The following CCSER1 variants were observed in gnomAD, a reference collection of about 807,000 sequenced individuals.
CCSER1 encodes the protein serine-rich coiled-coil domain-containing protein 1.
CCSER1 carries 41 observed loss-of-function variants against 82.0 expected under a neutral mutation model. The observed-to-expected ratio is 0.50, with a 90% CI of 0.39 to 0.65. The LOEUF is 0.65. Ranked by LOEUF, CCSER1 falls within the 30% of genes least tolerant of loss-of-function variation. The pLI is 0.00. For missense variants in CCSER1, 1,119 were observed against 1,064.2 expected (o/e 1.05, Z -0.72); for synonymous variants, 414 against 383.9 (o/e 1.08, Z -0.92).
In CCSER1 at chr4:90,388,602, G is replaced by A. The variant is rs112715755; in HGVS notation, c.1510-11434G>A. 9.0e-3 allele frequency among the ~76,000 whole-genome samples: 1,266 copies of A among 140,306 alleles called. 18 individuals are homozygous for A. The highest frequency in any genetic ancestry group is 0.031 in the African/African-American group (1,149 of 37,498). The allele number at this position is 140,306 out of a possible 152,430, so 92.0% of individuals were successfully genotyped here. A position where few individuals can be genotyped will look rare whatever the true frequency, so the allele number is the denominator to read the frequency against. ...TGGAATTACAGGCGTGAGCCACCAC[G>A]CCCGGCCCATTTGATGTTTATTTTT... is the stretch of plus-strand genomic sequence containing the variant. On this transcript the variant is annotated intron_variant, in intron 3 of 10. Transcript: ENST00000509176.
intron 5 of CCSER1, among the ~76,000 whole-genome samples, chr4:90,516,959 T>C (rs1772369359): frequency 6.6e-6 from 1 of 152,164 alleles, no homozygotes; most frequent in Non-Finnish European, 1.5e-5. Flanking sequence ...TGGTAGTTTA[T>C]ATGGTGGCTT....
At chr4:91,119,933 G>A (rs187801832) in intron 10 of CCSER1, among the ~76,000 whole-genome samples, 2 of 151,904 alleles carry the variant, frequency 1.3e-5, no homozygotes, top group African/African-American at 2.4e-5. Context: ...TTGGAAAAGT[G>A]GAGGGTTTAC....
At chr4:90,803,672 A>ATG (rs373072562) in intron 7 of CCSER1, among the ~76,000 whole-genome samples, 2 of 152,080 alleles carry the variant, frequency 1.3e-5, no homozygotes, top group Admixed American at 6.5e-5. Context: ...CAATAAACAT[A>ATG]TGTGTGTGTG....
intron 10 of CCSER1, among the ~76,000 whole-genome samples, chr4:91,336,021 G>T (rs1214048111): frequency 6.6e-6 from 1 of 151,996 alleles, no homozygotes; most frequent in African/African-American, 2.4e-5. Context: ...ATTGTAAAGG[G>T]CAAATTCAGC....
intron 5 of CCSER1, among the ~76,000 whole-genome samples, chr4:90,494,331 C>T (rs1229128135): frequency 2.0e-5 from 3 of 152,086 alleles, no homozygotes; most frequent in African/African-American, 7.2e-5. Flanking sequence ...CTTTAACATC[C>T]CACTGTCAAC....
In CCSER1 at chr4:90,313,060, A is replaced by C. The variant is rs76551131; in HGVS notation, c.1509+13A>C. On this transcript the variant is annotated intron_variant, in intron 3 of 10. Coordinates refer to ENST00000509176, the MANE Select transcript of CCSER1 (RefSeq NM_001145065.2). ...AATGAACAGTTTGGTAAGTATATAC[A>C]TATGTCTGCCTCTAATAAAATAATG... 1.3e-6 allele frequency: 2 copies of C among 1,573,724 alleles called. No homozygotes were observed. The highest frequency in any genetic ancestry group is 1.7e-6 in the Non-Finnish European group (2 of 1,153,126).
At chr4:91,188,579 TA>T (rs1734757519) in intron 10 of CCSER1, among the ~76,000 whole-genome samples, 1 of 152,194 alleles carries the variant, frequency 6.6e-6, no homozygotes, top group South Asian at 2.1e-4. Flanking sequence ...TAGTGATAAA[TA>T]TTTTTTAATG....
chr4:91,097,839 T>C (rs1441568587), intron 10 of CCSER1, among the ~76,000 whole-genome samples: 2 of 152,200 alleles, frequency 1.3e-5, no homozygotes, highest in African/African-American at 4.8e-5. Flanking sequence ...ATAGATGATT[T>C]ATGAATGTAT....
chr4:91,224,783 C>T (rs1738018865), intron 10 of CCSER1, among the ~76,000 whole-genome samples: 1 of 151,844 alleles, frequency 6.6e-6, no homozygotes, highest in African/African-American at 2.4e-5. Context: ...TTCCAAATTC[C>T]TATCATTTCT....
In CCSER1 at chr4:90,395,735, T is replaced by C. The variant is rs1038498226; in HGVS notation, c.1510-4301T>C. On this transcript the variant is annotated intron_variant, in intron 3 of 10. Transcript: ENST00000509176. ...TGGGTGTCCTCTCACAAAATGATTT[T>C]CTTTTTAAATCCCATTTGCTTGTGT... Among the ~76,000 whole-genome samples the C allele has an allele frequency of 2.0e-5, 3 of 152,148 alleles. No homozygotes were observed. In the South Asian group the frequency reaches 6.2e-4, roughly 32 times the overall value.
intron 5 of CCSER1, among the ~76,000 whole-genome samples, chr4:90,500,001 A>T (rs998190414): frequency 3.9e-5 from 6 of 152,188 alleles, no homozygotes; most frequent in African/African-American, 1.4e-4. Flanking sequence ...CAAAGAAGAG[A>T]AATTTAAAAG....
intron 9 of CCSER1, among the ~76,000 whole-genome samples, chr4:91,003,601 C>A (rs186335986): frequency 7.9e-5 from 12 of 152,248 alleles, no homozygotes; most frequent in Admixed American, 5.2e-4. Flanking sequence ...TGTTTCCAAA[C>A]ATTGGGAGAG....
chr4:90,906,532 AT>A (rs1252669236), intron 8 of CCSER1, among the ~76,000 whole-genome samples: 1 of 152,138 alleles, frequency 6.6e-6, no homozygotes, highest in Non-Finnish European at 1.5e-5. Context: ...TACTATAAGA[AT>A]TTTTATACAC....
chr4:91,343,581 G>A (rs1266828348), intron 10 of CCSER1, among the ~76,000 whole-genome samples: 1 of 152,106 alleles, frequency 6.6e-6, no homozygotes, highest in Admixed American at 6.6e-5. Flanking sequence ...GATTGTGGGT[G>A]CTCTGAATTT....
At chr4:90,194,650 G>C (rs1411745056) in intron 1 of CCSER1, among the ~76,000 whole-genome samples, 1 of 151,854 alleles carries the variant, frequency 6.6e-6, no homozygotes, top group Non-Finnish European at 1.5e-5. Flanking sequence ...CATTTTTGTG[G>C]TATTAATTGA....
At chr4:91,298,804 C>A (rs1184511252) in intron 10 of CCSER1, among the ~76,000 whole-genome samples, 2 of 151,928 alleles carry the variant, frequency 1.3e-5, no homozygotes, top group Non-Finnish European at 2.9e-5. Flanking sequence ...TTAATGCTCT[C>A]ACATATTACC....
intron 7 of CCSER1, among the ~76,000 whole-genome samples, chr4:90,794,198 T>C (rs182034665): frequency 6.6e-6 from 1 of 152,340 alleles, no homozygotes; most frequent in Admixed American, 6.5e-5. Flanking sequence ...TTGCTTTTGT[T>C]GTAATTGCTT....
chr4:91,071,531 G>T (rs1230001048), intron 9 of CCSER1, among the ~76,000 whole-genome samples: 1 of 152,130 alleles, frequency 6.6e-6, no homozygotes, highest in Non-Finnish European at 1.5e-5. Context: ...GAGTCATAAT[G>T]TTGCAATGGA....
At chr4:91,227,441 T>C (rs1393330346) in intron 10 of CCSER1, among the ~76,000 whole-genome samples, 3 of 151,934 alleles carry the variant, frequency 2.0e-5, no homozygotes, top group East Asian at 3.9e-4. Flanking sequence ...ATAATGTGTG[T>C]GTGTGTTTGT....
Sources: allele counts gnomAD v4.1 joint callset (sites outside exome capture counted in the v4.1 genomes callset), GRCh38; gene constraint gnomAD v4.1.1; transcripts MANE v1.5; gene names NCBI Gene and HGNC (gene_info 2026-07-23, HGNC 2026-07-21).